Variants in CNRIP1 observed in about 807,000 individuals in gnomAD.
CNRIP1 encodes cannabinoid receptor interacting protein 1, also known as CB1 cannabinoid receptor-interacting protein 1.
A neutral mutation model predicts 15.2 loss-of-function variants in CNRIP1; 10 were observed. The observed-to-expected ratio is 0.66, with a 90% CI of 0.41 to 1.12. The LOEUF (loss-of-function observed/expected upper bound fraction) is 1.12. Among genes scored for constraint, CNRIP1 ranks in the 50% most tolerant of loss-of-function variants. The pLI is 0.00. For synonymous variants in CNRIP1, 91 were observed against 83.2 expected, an observed-to-expected ratio of 1.09 and a Z score of -0.51; for missense variants, 211 against 214.7, an observed-to-expected ratio of 0.98 and a Z score of 0.11.
At chr2:68,296,334 G>A (rs760922705) in intron 2 of CNRIP1, among the ~76,000 whole-genome samples, 39 of 152,078 alleles carry the variant, frequency 2.6e-4, no homozygotes, top group Non-Finnish European at 5.0e-4. Flanking sequence ...TGAGAGGATC[G>A]CTTGAGACCA....
chr2:68,315,670 T>C (rs1672244148), intron 2 of CNRIP1, among the ~76,000 whole-genome samples: 1 of 152,104 alleles, frequency 6.6e-6, no homozygotes, highest in South Asian at 2.1e-4. Context: ...ATATATGGAA[T>C]GATACTCAAA....
intron 2 of CNRIP1, among the ~76,000 whole-genome samples, chr2:68,296,212 C>A (rs752837382): frequency 1.1e-4 from 17 of 152,094 alleles, no homozygotes; most frequent in Non-Finnish European, 1.8e-4. Flanking sequence ...TATATTGTTA[C>A]ATGAACTAAG....
downstream of CNRIP1, among the ~76,000 whole-genome samples, chr2:68,291,026 A>G (rs753588850): frequency 1.2e-4 from 18 of 152,230 alleles, no homozygotes; most frequent in Middle Eastern, 3.2e-3. Flanking sequence ...GGGCAAAGTT[A>G]CAACTCAGCA....
intron 2 of CNRIP1, among the ~76,000 whole-genome samples, chr2:68,285,131 G>A (rs1199507743): frequency 1.3e-5 from 2 of 152,130 alleles, no homozygotes; most frequent in African/African-American, 4.8e-5. Context: ...TTGCTCAAGA[G>A]CAGCTCCTGG....
chr2:68,307,471 G>A (rs1671899453), intron 2 of CNRIP1, among the ~76,000 whole-genome samples: 1 of 152,136 alleles, frequency 6.6e-6, no homozygotes, highest in Non-Finnish European at 1.5e-5. Flanking sequence ...ACAGGCATAT[G>A]TCACCACGCC....
chr2:68,317,497 A>G (rs1373515151), intron 1 of CNRIP1, among the ~76,000 whole-genome samples, 190 bp from the exon 2 acceptor site: 1 of 152,208 alleles, frequency 6.6e-6, no homozygotes, highest in East Asian at 1.9e-4. Flanking sequence ...ACCTATCCCC[A>G]GCCCCAGACA....
At chr2:68,299,364 T>A (rs1202585349) in intron 2 of CNRIP1, among the ~76,000 whole-genome samples, 1 of 152,130 alleles carries the variant, frequency 6.6e-6, no homozygotes, top group Non-Finnish European at 1.5e-5. Context: ...AAATCCTAAC[T>A]GTAATGGTAT....
chr2:68,286,054 C>T (rs769732086), intron 2 of CNRIP1, among the ~76,000 whole-genome samples: 4 of 152,168 alleles, frequency 2.6e-5, no homozygotes, highest in Admixed American at 6.5e-5. Flanking sequence ...TAGGTACTTA[C>T]GTTGTCTTTT....
intron 2 of CNRIP1, among the ~76,000 whole-genome samples, chr2:68,298,299 A>C (rs1046524609): frequency 5.9e-5 from 9 of 152,256 alleles, no homozygotes; most frequent in Middle Eastern, 3.4e-3. Context: ...TTTTGTAATA[A>C]AATATACACT....
intron 2 of CNRIP1, among the ~76,000 whole-genome samples, chr2:68,302,129 G>A (rs1268887771): frequency 6.6e-6 from 1 of 151,950 alleles, no homozygotes; most frequent in Non-Finnish European, 1.5e-5. Context: ...TTGGCCACTT[G>A]TATTTCTTTT....
At chr2:68,284,421 A>G in exon 3 of CNRIP1, 1 of 1,505,192 alleles carries the variant, frequency 6.6e-7, no homozygotes, top group Non-Finnish European at 8.9e-7. Context: ...CACATTGAAG[A>G]ATGTGCTTAT....
intron 2 of CNRIP1, among the ~76,000 whole-genome samples, chr2:68,306,947 A>T (rs1671877237): frequency 6.6e-6 from 1 of 152,224 alleles, no homozygotes; most frequent in South Asian, 2.1e-4. Flanking sequence ...GGGGAAGGCT[A>T]GGAATGTGTC....
intron 2 of CNRIP1, among the ~76,000 whole-genome samples, chr2:68,294,628 T>C (rs1671281792): frequency 6.6e-6 from 1 of 152,210 alleles, no homozygotes; most frequent in South Asian, 2.1e-4. Flanking sequence ...TACATCTACA[T>C]AAAATTTCCA....
chr2:68,313,925 T>C (rs1229663442), intron 2 of CNRIP1, among the ~76,000 whole-genome samples: 1 of 152,140 alleles, frequency 6.6e-6, no homozygotes, highest in African/African-American at 2.4e-5. Context: ...ATGCCCACCA[T>C]GTTGGGCTTC....
At chr2:68,290,346 A>G (rs1671136792), downstream of CNRIP1, among the ~76,000 whole-genome samples, 1 of 151,998 alleles carries the variant, frequency 6.6e-6, no homozygotes, top group South Asian at 2.1e-4. Context: ...GAGCTTTTAA[A>G]CACTGAACCA....
chr2:68,316,642 GGTATATATATATTATATAGGT>G (rs1672281710), intron 2 of CNRIP1: 1 of 148,466 alleles, frequency 6.7e-6, no homozygotes, highest in Non-Finnish European at 1.5e-5. Flanking sequence ...ATATAATATA[GGTATATATATATTATATAGGT>G]GTATATATAA....
intron 2 of CNRIP1, among the ~76,000 whole-genome samples, chr2:68,312,403 G>A (rs1672125400): frequency 6.6e-6 from 1 of 152,050 alleles, no homozygotes; most frequent in Non-Finnish European, 1.5e-5. Flanking sequence ...TTGAAAACAT[G>A]TTATAATACG....
chr2:68,285,668 A>AAAAAAAAAAAAAAAAAG (rs539747999), intron 2 of CNRIP1, among the ~76,000 whole-genome samples: 8 of 124,432 alleles, frequency 6.4e-5, no homozygotes, highest in Non-Finnish European at 9.7e-5. Flanking sequence ...AAAAAAAAAA[A>AAAAAAAAAAAAAAAAAG]AAAAGAAAAG....
chr2:68,319,193 C>A, intron 1 of CNRIP1, 29 bp downstream of exon 1: 2 of 1,519,166 alleles, frequency 1.3e-6, no homozygotes, highest in Non-Finnish European at 1.8e-6. Context: ...CATGGGGGAC[C>A]CTGCTGCCAC....
Sources: gnomAD v4.1 joint callset for allele counts (sites outside exome capture counted in the v4.1 genomes callset) on GRCh38, gnomAD v4.1.1 for gene constraint, MANE v1.5 for transcripts, NCBI Gene and HGNC (gene_info 2026-07-23, HGNC 2026-07-21) for gene names.